The following NAA35 variants were observed in gnomAD, a reference collection of about 807,000 sequenced individuals.
The protein encoded by NAA35 is MAK10 homolog, amino-acid N-acetyltransferase subunit.
A neutral mutation model predicts 101.7 loss-of-function variants in NAA35; 18 were observed. That is an observed-to-expected ratio of 0.18 (90% confidence interval 0.12 to 0.26). The LOEUF is 0.26. NAA35 is among the 10% of genes least tolerant of loss of function. The pLI, the probability that NAA35 is intolerant of heterozygous loss-of-function variation, is 1.00. For synonymous variants in NAA35, 267 were observed against 273.1 expected (o/e 0.98, Z 0.22); for missense variants, 601 against 886.8 (o/e 0.68, Z 4.09).
chr9:85,947,866 C>G (rs1010120537), intron 2 of NAA35, among the ~76,000 whole-genome samples: 1 of 152,266 alleles, frequency 6.6e-6, no homozygotes, highest in Admixed American at 6.5e-5. Context: ...ACTTAACACC[C>G]TTAAGAACTA....
At chr9:86,013,225 C>A (rs1195208834) in intron 16 of NAA35, 81 bp downstream of exon 16, 4 of 822,094 alleles carry the variant, frequency 4.9e-6, no homozygotes, top group East Asian at 2.7e-5. Context: ...TAATTCAGAA[C>A]AATATTTTGA....
At chr9:85,947,283 A>G (rs72746667) in intron 2 of NAA35, among the ~76,000 whole-genome samples, 3,100 of 152,286 alleles carry the variant, frequency 0.02, 43 homozygotes, top group Middle Eastern at 0.065. Flanking sequence ...GCTTTTAAAA[A>G]TTATGGAAAA....
intron 6 of NAA35, among the ~76,000 whole-genome samples, chr9:85,969,940 C>A (rs904857982): frequency 6.6e-6 from 1 of 151,824 alleles, no homozygotes; most frequent in Non-Finnish European, 1.5e-5. Flanking sequence ...TCAGGCTTTA[C>A]ACCTTTCACT....
intron 14 of NAA35, among the ~76,000 whole-genome samples, chr9:86,008,076 T>G (rs1831727348): frequency 6.6e-6 from 1 of 152,200 alleles, no homozygotes. Context: ...TTTGGATTTT[T>G]GAAGTATTTG....
At chr9:86,014,319 G>T in intron 17 of NAA35, 1 of 921,480 alleles carries the variant, frequency 1.1e-6, no homozygotes, top group Non-Finnish European at 1.3e-6. Flanking sequence ...TCAAACCGTG[G>T]TGCTGAGGAT....
At chr9:85,968,221 G>A (rs974383137) in intron 6 of NAA35, among the ~76,000 whole-genome samples, 50 of 152,152 alleles carry the variant, frequency 3.3e-4, no homozygotes, top group African/African-American at 1.2e-3. Context: ...GTGACCAGCA[G>A]TTATCTTCCT....
At chr9:85,941,625 C>G in intron 1 of NAA35, 1 of 986,256 alleles carries the variant, frequency 1.0e-6, no homozygotes. Flanking sequence ...GGCCCTAGGC[C>G]CGGCCGGCGG....
At chr9:86,010,537 A>G (rs1361038918) in intron 15 of NAA35, among the ~76,000 whole-genome samples, 1 of 150,008 alleles carries the variant, frequency 6.7e-6, no homozygotes, top group Non-Finnish European at 1.5e-5. Flanking sequence ...GTGAATGGAC[A>G]TAAAAACTTT....
intron 2 of NAA35, among the ~76,000 whole-genome samples, chr9:85,949,092 TG>T (rs1376839526): frequency 6.6e-6 from 1 of 152,114 alleles, no homozygotes; most frequent in Non-Finnish European, 1.5e-5. Flanking sequence ...TAGGATCTTC[TG>T]TTTGTCCTCC....
intron 22 of NAA35, 148 bp from the exon 23 acceptor site, chr9:86,021,750 CCTT>C: frequency 1.6e-6 from 1 of 639,346 alleles, no homozygotes; most frequent in Non-Finnish European, 2.6e-6. Context: ...TTAGTTCCTA[CCTT>C]TTTTGTCATT....
chr9:85,953,372 G>A (rs1397563537), intron 2 of NAA35, among the ~76,000 whole-genome samples: 4 of 151,942 alleles, frequency 2.6e-5, no homozygotes, highest in Non-Finnish European at 4.4e-5. Context: ...TTAAACAAAC[G>A]GTAACTCTTC....
chr9:85,978,406 CT>C, intron 11 of NAA35, 25 bp downstream of exon 11: 1 of 1,438,370 alleles, frequency 7.0e-7, no homozygotes, highest in Non-Finnish European at 9.8e-7. Flanking sequence ...TGCTCCTACT[CT>C]TTCTTTTCTT....
At chr9:85,949,387 C>T (rs1400670259) in intron 2 of NAA35, among the ~76,000 whole-genome samples, 1 of 151,838 alleles carries the variant, frequency 6.6e-6, no homozygotes, top group Non-Finnish European at 1.5e-5. Flanking sequence ...CTCCACCTCC[C>T]AGGTTCAAGC....
chr9:85,955,351 TA>T (rs1439060260), intron 2 of NAA35, among the ~76,000 whole-genome samples: 3,177 of 81,114 alleles, frequency 0.039, 99 homozygotes, highest in African/African-American at 0.11. Flanking sequence ...TATATATATA[TA>T]TATATATATT....
chr9:85,958,804 T>C lies in NAA35; in HGVS notation c.273+218T>C, dbSNP rs572693165. 2.3e-3 allele frequency among the ~76,000 whole-genome samples: 344 copies of C among 152,316 alleles called. 1 individual carries two copies. The highest frequency in any genetic ancestry group is 8.0e-3 in the African/African-American group (331 of 41,574). ...TCTAAATTTGTGCATTTGTGTACTT[T>C]TAAATTTAATTTTTGAAAGCATTTG... On this transcript the variant is annotated intron_variant, in intron 4 of 22. Transcript: ENST00000361671.
chr9:85,941,337 C>G, intron 1 of NAA35, 64 bp downstream of exon 1: 2 of 985,588 alleles, frequency 2.0e-6, no homozygotes, highest in Non-Finnish European at 2.4e-6. Context: ...GCCGCAGCCC[C>G]CCGCGCGTGT....
chr9:85,991,957 G>A (rs995571520), intron 11 of NAA35, among the ~76,000 whole-genome samples: 42 of 152,046 alleles, frequency 2.8e-4, no homozygotes, highest in African/African-American at 9.9e-4. Context: ...GGCGGATCAC[G>A]AGGTCAGGAG....
At chr9:86,001,495 C>G (rs1030104268) in intron 12 of NAA35, among the ~76,000 whole-genome samples, 3 of 152,000 alleles carry the variant, frequency 2.0e-5, no homozygotes, top group Non-Finnish European at 4.4e-5. Context: ...TTGAAGTCTC[C>G]CACTGTTGTT....
chr9:85,997,684 A>G (rs751788675), intron 12 of NAA35, among the ~76,000 whole-genome samples: 1 of 152,094 alleles, frequency 6.6e-6, no homozygotes, highest in Non-Finnish European at 1.5e-5. Context: ...AGGTCTCACC[A>G]TGCTGGCCAG....
Sources: allele counts gnomAD v4.1 joint callset (sites outside exome capture counted in the v4.1 genomes callset), GRCh38; gene constraint gnomAD v4.1.1; transcripts MANE v1.5; gene names NCBI Gene and HGNC (gene_info 2026-07-23, HGNC 2026-07-21).